Variants in HDAC9 observed in about 807,000 individuals in gnomAD.
The protein encoded by HDAC9 is histone deacetylase 9.
In HDAC9, 41 loss-of-function variants were observed where a neutral mutation model predicts 139.4. The observed-to-expected ratio is 0.29, with a 90% CI of 0.23 to 0.38. The LOEUF (loss-of-function observed/expected upper bound fraction) is 0.38. Among genes scored for constraint, HDAC9 ranks in the 10% least tolerant of loss-of-function variants. The pLI, the probability that HDAC9 is intolerant of heterozygous loss-of-function variation, is 1.00. For missense variants in HDAC9, 1,147 were observed against 1,297.0 expected (o/e 0.88, Z 1.78); for synonymous variants, 517 against 476.2 (o/e 1.09, Z -1.12).
rs144622004 is a variant in HDAC9, at chr7:18,767,460, T to C, written c.2214+305T>C. 2.7e-3 allele frequency among the ~76,000 whole-genome samples: 415 copies of C among 152,324 alleles called. 2 individuals carry two copies. The highest frequency in any genetic ancestry group is 9.6e-3 in the African/African-American group (400 of 41,578). On this transcript the variant is annotated intron_variant, in intron 16 of 25. Transcript: ENST00000686413. Reference sequence around the variant, plus strand: ...CATGAAGCCAGCTTTGCTAGGCCTTTATATAGCTGGAGAAAAGGTGCTTCA... The same window carrying C: ...CATGAAGCCAGCTTTGCTAGGCCTTCATATAGCTGGAGAAAAGGTGCTTCA...
chr7:18,096,821 A>C (rs534100725), intron 1 of HDAC9, among the ~76,000 whole-genome samples: 96 of 152,082 alleles, frequency 6.3e-4, no homozygotes, highest in African/African-American at 2.2e-3. Flanking sequence ...GTAGCACAGC[A>C]ACTCTCACAT....
chr7:18,667,817 C>G, intron 12 of HDAC9: 1 of 984,630 alleles, frequency 1.0e-6, no homozygotes, highest in Non-Finnish European at 1.2e-6. Context: ...AAGCTTTTCA[C>G]TGGAACATTT....
At chr7:18,615,969 G>T (rs1486378172) in intron 6 of HDAC9, among the ~76,000 whole-genome samples, 1 of 152,048 alleles carries the variant, frequency 6.6e-6, no homozygotes, top group Non-Finnish European at 1.5e-5. Flanking sequence ...TTCTTTTCTG[G>T]GGACTCTGGG....
chr7:18,833,704 A>G (rs965217928), intron 19 of HDAC9, among the ~76,000 whole-genome samples: 2 of 152,132 alleles, frequency 1.3e-5, no homozygotes, highest in Admixed American at 6.6e-5. Flanking sequence ...AGCTGAAACA[A>G]CTTTCTGGGA....
At chr7:18,178,613 A>G (rs1156581989) in intron 2 of HDAC9, among the ~76,000 whole-genome samples, 5 of 152,234 alleles carry the variant, frequency 3.3e-5, no homozygotes, top group Non-Finnish European at 7.3e-5. Flanking sequence ...CCTCTCTCCC[A>G]AAACAAATAT....
intron 11 of HDAC9, among the ~76,000 whole-genome samples, chr7:18,656,047 CT>C (rs537627975): frequency 2.7e-3 from 369 of 137,428 alleles, no homozygotes; most frequent in Admixed American, 3.3e-3. Context: ...GTAGCAGTCT[CT>C]TTTTTTTTTT....
chr7:18,217,519 A>G (rs1383729242), intron 2 of HDAC9, among the ~76,000 whole-genome samples: 1 of 152,008 alleles, frequency 6.6e-6, no homozygotes, highest in Non-Finnish European at 1.5e-5. Context: ...TTTTCAAAGG[A>G]CCTTTTTGGG....
At chr7:18,607,172 A>G (rs1362462122) in intron 6 of HDAC9, among the ~76,000 whole-genome samples, 5 of 152,218 alleles carry the variant, frequency 3.3e-5, no homozygotes, top group Non-Finnish European at 5.9e-5. Flanking sequence ...CATTGATTGC[A>G]TATGCAATTT....
intron 16 of HDAC9, among the ~76,000 whole-genome samples, chr7:18,785,459 T>A (rs1791632644): frequency 6.6e-6 from 1 of 152,046 alleles, no homozygotes; most frequent in Non-Finnish European, 1.5e-5. Flanking sequence ...AATGACCCCT[T>A]AGATGCAAAA....
At chr7:18,133,975 C>T (rs1046530268) in intron 1 of HDAC9, among the ~76,000 whole-genome samples, 1 of 149,910 alleles carries the variant, frequency 6.7e-6, no homozygotes, top group Non-Finnish European at 1.5e-5. Context: ...GCCTTTCATC[C>T]ATCTATTTTT....
chr7:18,374,684 A>C (rs1196949769), intron 1 of HDAC9, among the ~76,000 whole-genome samples: 1 of 152,052 alleles, frequency 6.6e-6, no homozygotes, highest in African/African-American at 2.4e-5. Flanking sequence ...AAACATTGTT[A>C]TGCTGGGTGT....
intron 2 of HDAC9, among the ~76,000 whole-genome samples, chr7:18,566,575 G>C (rs1305788404): frequency 6.6e-6 from 1 of 152,172 alleles, no homozygotes; most frequent in Non-Finnish European, 1.5e-5. Context: ...GAAGCCTTGG[G>C]AATCACTGTT....
chr7:18,753,282 G>T (rs1703885656), intron 14 of HDAC9, among the ~76,000 whole-genome samples: 1 of 151,962 alleles, frequency 6.6e-6, no homozygotes, highest in South Asian at 2.1e-4. Context: ...GCTTGAGCAA[G>T]AAAAAAATGA....
chr7:18,092,755 G>C (rs943296965), intron 1 of HDAC9, among the ~76,000 whole-genome samples: 6 of 152,314 alleles, frequency 3.9e-5, no homozygotes, highest in Non-Finnish European at 8.8e-5. Context: ...CTGAAGTCAT[G>C]ATGACTTCTT....
At chr7:18,367,616 G>C (rs774243265) in intron 1 of HDAC9, among the ~76,000 whole-genome samples, 3 of 151,908 alleles carry the variant, frequency 2.0e-5, no homozygotes, top group African/African-American at 7.3e-5. Context: ...ATTGTTTTAG[G>C]CTTTGCTATT....
At chr7:18,355,837 C>A (rs1361425661) in intron 1 of HDAC9, among the ~76,000 whole-genome samples, 1 of 152,116 alleles carries the variant, frequency 6.6e-6, no homozygotes, top group African/African-American at 2.4e-5. Flanking sequence ...TAATTCTAAA[C>A]TTCTCTGTTT....
chr7:18,995,890 C>CTA, intron 25 of HDAC9, 133 bp from the exon 26 acceptor site: 1 of 616,360 alleles, frequency 1.6e-6, no homozygotes, highest in South Asian at 2.1e-5. Flanking sequence ...GAAAGAAATT[C>CTA]TATTTATGGA....
chr7:18,718,001 A>G (rs752742453), intron 12 of HDAC9, among the ~76,000 whole-genome samples: 7 of 152,104 alleles, frequency 4.6e-5, no homozygotes, highest in Non-Finnish European at 1.0e-4. Flanking sequence ...TGCTTTACTC[A>G]TTTCTATGTA....
chr7:18,483,515 A>G (rs780050966), intron 1 of HDAC9, among the ~76,000 whole-genome samples: 6 of 152,202 alleles, frequency 3.9e-5, no homozygotes, highest in Admixed American at 3.9e-4. Context: ...TTATGATCAT[A>G]GGAAAATCCT....
Sources: allele counts gnomAD v4.1 joint callset (sites outside exome capture counted in the v4.1 genomes callset), GRCh38; gene constraint gnomAD v4.1.1; transcripts MANE v1.5; gene names NCBI Gene and HGNC (gene_info 2026-07-23, HGNC 2026-07-21).